Variants in TFCP2L1 observed in about 807,000 individuals in gnomAD.
TFCP2L1 encodes the protein transcription factor CP2 like 1, also known as transcription factor CP2-like protein 1.
Under a neutral mutation model 72.2 loss-of-function variants are expected in TFCP2L1, and 12 were observed. That is an observed-to-expected ratio of 0.17 (90% CI 0.11 to 0.27). TFCP2L1 has a LOEUF of 0.27. TFCP2L1 is among the 10% of genes least tolerant of loss of function. The pLI, the probability that TFCP2L1 is intolerant of heterozygous loss-of-function variation, is 1.00. For missense variants in TFCP2L1, 488 were observed against 624.6 expected (o/e 0.78, Z 2.33); for synonymous variants, 260 against 251.0 (o/e 1.04, Z -0.34).
chr2:121,285,134 C>T lies in TFCP2L1; in HGVS notation c.-25G>A, dbSNP rs748320383. 2.0e-6 allele frequency: 3 copies of T among 1,473,208 alleles called. No individual in the cohort carries two copies. Among genetic ancestry groups the T allele is most frequent in the Non-Finnish European group, 2.7e-6 (3 of 1,109,640 alleles). 91.3% of individuals were successfully genotyped at this position (1,473,208 alleles called of 1,614,324 possible). ...TGGCTGGAACTCCCAGCGCGCCGACCGGGGCGCGGCAGCAAGCGCAGACGC... is the reference window on the plus strand; with the variant it reads ...TGGCTGGAACTCCCAGCGCGCCGACTGGGGCGCGGCAGCAAGCGCAGACGC... On this transcript the variant is annotated 5_prime_UTR_variant, in exon 1 of 15. Transcript: ENST00000263707.
intron 12 of TFCP2L1, among the ~76,000 whole-genome samples, chr2:121,232,463 G>A (rs1342669688): frequency 1.3e-5 from 2 of 152,014 alleles, no homozygotes; most frequent in Non-Finnish European, 2.9e-5. Flanking sequence ...GATTCCTCTC[G>A]GTCTCTCTTG....
At chr2:121,284,006 C>G (rs968553114) in intron 1 of TFCP2L1, among the ~76,000 whole-genome samples, 1 of 152,146 alleles carries the variant, frequency 6.6e-6, no homozygotes, top group African/African-American at 2.4e-5. Flanking sequence ...ATCATTCCCC[C>G]GCCTCCAGGA....
chr2:121,281,004 C>A lies in TFCP2L1; in HGVS notation c.214+116G>T, dbSNP rs529594467. 1.5e-5 allele frequency: 20 copies of A among 1,355,352 alleles called. No individual in the cohort carries two copies. In the African/African-American group the frequency reaches 2.6e-4, roughly 18 times the overall value. The allele number at this position is 1,355,352 out of a possible 1,614,324, so 84.0% of individuals were successfully genotyped here. A position where few individuals can be genotyped will look rare whatever the true frequency, so the allele number is the denominator to read the frequency against. On this transcript the variant is annotated intron_variant, in intron 2 of 14. Transcript: ENST00000263707. ...ACCTGCACCTGTTCTCTTTCCCGAGCCCGACCTCGCCCGACCTCACCCACC... is the reference window on the plus strand; with the variant it reads ...ACCTGCACCTGTTCTCTTTCCCGAGACCGACCTCGCCCGACCTCACCCACC...
rs562893832 is a variant in TFCP2L1, at chr2:121,250,833, C to T, written c.215-1186G>A. On this transcript the variant is annotated intron_variant, in intron 2 of 14. Coordinates refer to ENST00000263707, the MANE Select transcript of TFCP2L1 (RefSeq NM_014553.3). ...TGTTAGCCAGGCTGGTCTCAAACTC[C>T]TGACCTCGTGATTCATCCACCTTGG... Among the ~76,000 whole-genome samples, 19 of 152,056 alleles carry T rather than the reference C, an allele frequency of 1.2e-4. No individual in the cohort carries two copies. The East Asian group carries it at 3.5e-3, about 28-fold the overall frequency.
intron 1 of TFCP2L1, among the ~76,000 whole-genome samples, chr2:121,282,313 C>T (rs1687279294): frequency 7.6e-6 from 1 of 130,784 alleles, no homozygotes; most frequent in Non-Finnish European, 1.6e-5. Context: ...ACAAAACTCT[C>T]CACATTAAAA....
chr2:121,282,134 T>C (rs1329532772), intron 1 of TFCP2L1, among the ~76,000 whole-genome samples: 1 of 151,872 alleles, frequency 6.6e-6, no homozygotes, highest in African/African-American at 2.4e-5. Context: ...GGTTCCACCA[T>C]GTTGGTCAGG....
chr2:121,240,773 A>G (rs1315693360), intron 7 of TFCP2L1: 1 of 977,416 alleles, frequency 1.0e-6, no homozygotes, highest in East Asian at 1.1e-4. Flanking sequence ...ACGGGAAGAA[A>G]CTGGTCTGGC....
intron 2 of TFCP2L1, among the ~76,000 whole-genome samples, chr2:121,256,019 G>C (rs1347125385): frequency 2.0e-5 from 3 of 152,132 alleles, no homozygotes; most frequent in Non-Finnish European, 4.4e-5. Flanking sequence ...GGGATTACAG[G>C]CGTGAGCCAC....
intron 12 of TFCP2L1, among the ~76,000 whole-genome samples, chr2:121,233,365 T>C (rs951671980): frequency 6.6e-6 from 1 of 152,134 alleles, no homozygotes; most frequent in African/African-American, 2.4e-5. Context: ...TTTTGTATGT[T>C]TTCTTTAGTA....
Position 121,242,378 on chromosome 2 carries a change from T to C in TFCP2L1, c.749A>G (p.Glu250Gly). The C allele has an allele frequency of 6.2e-7, 1 of 1,614,192 alleles. No homozygotes were observed. Among genetic ancestry groups the C allele is most frequent in the South Asian group, 1.1e-5 (1 of 91,084 alleles). ...QEKEKYQPSY[E>G]TTILTECSPW... ...GCTCACCTCTGTGAGGATGGTGGTT[T>C]CATAGGACGGCTGGTATTTCTCCTT... The change falls in exon 7 of 15, where the codon GAA (glutamate) becomes GGA (glycine). Residue 250 changes from glutamate (E) to glycine (G), a missense_variant. Physicochemically the swap from Glu to Gly is moderately conservative, Grantham distance 98. This residue lies in a region of TFCP2L1 where 286 missense variants were observed against 329.0 expected (regional missense o/e 0.87). Coordinates refer to ENST00000263707, the MANE Select transcript of TFCP2L1 (RefSeq NM_014553.3).
chr2:121,234,742 C>T (rs550331576), intron 11 of TFCP2L1, among the ~76,000 whole-genome samples: 1 of 152,376 alleles, frequency 6.6e-6, no homozygotes, highest in East Asian at 1.9e-4. Context: ...GCTCCACAGC[C>T]ACATGTGGCC....
At chr2:121,234,227 T>G in intron 11 of TFCP2L1, 33 bp from the exon 12 acceptor site, 1 of 1,585,898 alleles carries the variant, frequency 6.3e-7, no homozygotes, top group Non-Finnish European at 8.7e-7. Flanking sequence ...ATAATAGGTG[T>G]GGTGGACCAG....
chr2:121,256,812 C>T (rs551915275), intron 2 of TFCP2L1, among the ~76,000 whole-genome samples: 7 of 152,014 alleles, frequency 4.6e-5, no homozygotes, highest in African/African-American at 1.4e-4. Context: ...AAAAATTACC[C>T]GGGCGTGGTG....
At chr2:121,285,017 G>T in intron 1 of TFCP2L1, 31 bp downstream of exon 1, 2 of 1,462,734 alleles carry the variant, frequency 1.4e-6, no homozygotes, top group Middle Eastern at 2.0e-4. Context: ...GGCCCGGCCC[G>T]AGACCCGCGG....
rs115775971 is a variant in TFCP2L1, at chr2:121,266,125, C to T, written c.214+14995G>A. ...AAGTGATCTGCCCACCTTGGCCTCC[C>T]GAAGTGCTGGGATTTAATCTTTTTT... On this transcript the variant is annotated intron_variant, in intron 2 of 14. Coordinates refer to ENST00000263707, the MANE Select transcript of TFCP2L1 (RefSeq NM_014553.3). Among the ~76,000 whole-genome samples the T allele has an allele frequency of 3.1e-3, 468 of 151,250 alleles. 4 individuals carry two copies. The highest frequency in any genetic ancestry group is 0.011 in the African/African-American group (457 of 41,226).
chr2:121,262,280 C>T (rs1219037538), intron 2 of TFCP2L1, among the ~76,000 whole-genome samples: 1 of 152,166 alleles, frequency 6.6e-6, no homozygotes, highest in African/African-American at 2.4e-5. Context: ...ACCTGCCCAA[C>T]ATGGTGAAAC....
At chr2:121,262,574 G>A (rs1686847213) in intron 2 of TFCP2L1, among the ~76,000 whole-genome samples, 1 of 152,224 alleles carries the variant, frequency 6.6e-6, no homozygotes, top group South Asian at 2.1e-4. Flanking sequence ...CAGGAGACAT[G>A]GCAACTCCCC....
At chr2:121,245,718 G>T (rs981961885) in intron 6 of TFCP2L1, among the ~76,000 whole-genome samples, 3 of 152,336 alleles carry the variant, frequency 2.0e-5, no homozygotes, top group African/African-American at 7.2e-5. Flanking sequence ...ACTGCCCAGT[G>T]CTCACTGTGG....
intron 1 of TFCP2L1, among the ~76,000 whole-genome samples, chr2:121,283,689 A>AC (rs1687309330): frequency 6.6e-6 from 1 of 152,184 alleles, no homozygotes; most frequent in Non-Finnish European, 1.5e-5. Flanking sequence ...AAGTACACTC[A>AC]CCTTCAACTC....
Sources: gnomAD v4.1 joint callset for allele counts (sites outside exome capture counted in the v4.1 genomes callset) on GRCh38, gnomAD v4.1.1 for gene constraint, gnomAD v4.1.1 regional missense constraint, MANE v1.5 for transcripts, NCBI Gene and HGNC (gene_info 2026-07-23, HGNC 2026-07-21) for gene names.